Variants in HIF3A observed in about 807,000 individuals in gnomAD.
The protein encoded by HIF3A is hypoxia-inducible factor 3-alpha.
In HIF3A, 41 loss-of-function variants were observed where a neutral mutation model predicts 67.2. That is an observed-to-expected ratio of 0.61 (90% CI 0.48 to 0.79). The LOEUF is 0.79. Among genes scored for constraint, HIF3A ranks in the 30% least tolerant of loss-of-function variants. HIF3A has a pLI of 0.00. For missense variants in HIF3A, 855 were observed against 898.0 expected (o/e 0.95, Z 0.61); for synonymous variants, 356 against 374.8 (o/e 0.95, Z 0.58).
At chr19:46,302,431 GTTTT>G (rs879849169) in intron 1 of HIF3A, among the ~76,000 whole-genome samples, 4 of 150,360 alleles carry the variant, frequency 2.7e-5, no homozygotes, top group Non-Finnish European at 5.9e-5. Context: ...CGCCCGGCCT[GTTTT>G]TTGTCTTTTT....
chr19:46,304,146 T>C lies in HIF3A; in HGVS notation c.217+58T>C. Reference sequence around the variant, plus strand: ...TCAGGCCCCGCCCACGGAAAAAAACTACATCCCAGGGAGGCCCCTCCTCCG... The same window carrying C: ...TCAGGCCCCGCCCACGGAAAAAAACCACATCCCAGGGAGGCCCCTCCTCCG... On this transcript the variant is annotated intron_variant, in intron 2 of 14. Coordinates refer to ENST00000377670, the MANE Select transcript of HIF3A (RefSeq NM_152795.4). 2 of 1,459,006 alleles carry C rather than the reference T, an allele frequency of 1.4e-6. 1 individual carries two copies. Among genetic ancestry groups the C allele is most frequent in the South Asian group, 2.5e-5 (2 of 81,522 alleles). 90.4% of individuals were successfully genotyped at this position (1,459,006 alleles called of 1,614,324 possible).
At chr19:46,308,431 C>A (rs1568507198) in intron 4 of HIF3A, 126 bp downstream of exon 4, 2 of 705,266 alleles carry the variant, frequency 2.8e-6, no homozygotes, top group Non-Finnish European at 4.9e-6. Context: ...GGAGAGATGG[C>A]CCTGCCCTGG....
Position 46,339,674 on chromosome 19 carries a change from A to G in HIF3A, c.*52A>G. 1 of 1,350,240 alleles carries G rather than the reference A, an allele frequency of 7.4e-7. No homozygotes were observed. Among genetic ancestry groups the G allele is most frequent in the Non-Finnish European group, 1.0e-6 (1 of 971,382 alleles). 83.6% of individuals were successfully genotyped at this position (1,350,240 alleles called of 1,614,324 possible). ...TCCTCCCCCAGAAAGGACCTCAACC[A>G]CACTCCACGCCGGCAGCCAACGCAC... is the stretch of plus-strand genomic sequence containing the variant. On this transcript the variant is annotated 3_prime_UTR_variant, in exon 15 of 15. Coordinates refer to ENST00000377670, the MANE Select transcript of HIF3A (RefSeq NM_152795.4).
In HIF3A at chr19:46,337,939, G is replaced by A. The variant is rs574819522; in HGVS notation, c.1913-1586G>A. Reference sequence around the variant, plus strand: ...GGCCAGGGCTGTCTGGGTCCCTGCTGTTCTCTTCTTTGTGCACATGGGTGG... The same window carrying A: ...GGCCAGGGCTGTCTGGGTCCCTGCTATTCTCTTCTTTGTGCACATGGGTGG... On this transcript the variant is annotated intron_variant, in intron 14 of 14. Transcript: ENST00000377670. 2.6e-5 allele frequency among the ~76,000 whole-genome samples: 4 copies of A among 152,338 alleles called. No homozygotes were observed. In the South Asian group the frequency reaches 6.2e-4, roughly 24 times the overall value.
At chr19:46,327,354 C>T (rs1464992954) in intron 11 of HIF3A, among the ~76,000 whole-genome samples, 1 of 148,568 alleles carries the variant, frequency 6.7e-6, no homozygotes, top group Non-Finnish European at 1.5e-5. Flanking sequence ...CTCACTCTAT[C>T]ACCCAAGCTG....
At chr19:46,327,568 G>C (rs941797964) in intron 11 of HIF3A, among the ~76,000 whole-genome samples, 2 of 151,988 alleles carry the variant, frequency 1.3e-5, no homozygotes, top group African/African-American at 4.8e-5. Context: ...CCATCTGGAG[G>C]GCTCCTGCAG....
At position 46,303,851 on chromosome 19, in the gene HIF3A, T is replaced by G. The variant is rs1384332756; in HGVS notation, c.27-47T>G. The G allele has an allele frequency of 5.1e-6, 8 of 1,579,670 alleles. No homozygotes were observed. In the South Asian group the frequency reaches 8.1e-5, roughly 16 times the overall value. ...CCCCACGTGCTCGTCCCGTCCTCCT[T>G]TTCTCTTTCCCGAGTCACCACCAGT... On this transcript the variant is annotated intron_variant, in intron 1 of 14. Coordinates refer to ENST00000377670, the MANE Select transcript of HIF3A (RefSeq NM_152795.4).
rs150500130 is a variant in HIF3A, at chr19:46,309,233, C to T, written c.644C>T (p.Pro215Leu). 1.5e-4 allele frequency: 239 copies of T among 1,614,074 alleles called. 1 individual carries two copies. Among genetic ancestry groups the T allele is most frequent in the African/African-American group, 1.3e-3 (96 of 75,048 alleles). ...GCTGGGAGCCCTGACTCAGAGCCCC[C>T]GCTGCAGTGCCTGGTGCTCATCTGC... Reference protein sequence around the residue: ...SPAGSPDSEPPLQCLVLICEA... With the variant: ...SPAGSPDSEPLLQCLVLICEA... Residue 215 changes from proline to leucine, a missense_variant, in exon 6 of 15, where the codon CCG becomes CTG. Physicochemically the swap from Pro to Leu is moderately conservative, Grantham distance 98 (BLOSUM62 -3). Coordinates refer to ENST00000377670, the MANE Select transcript of HIF3A (RefSeq NM_152795.4).
At chr19:46,319,947 A>AG (rs1970227776) in intron 8 of HIF3A, among the ~76,000 whole-genome samples, 1 of 152,292 alleles carries the variant, frequency 6.6e-6, no homozygotes, top group Non-Finnish European at 1.5e-5. Context: ...GTGTCAGAAT[A>AG]GGCCGGGCAC....
At chr19:46,316,781 C>T (rs540306850) in intron 8 of HIF3A, among the ~76,000 whole-genome samples, 67 of 138,966 alleles carry the variant, frequency 4.8e-4, no homozygotes, top group African/African-American at 1.2e-3. Flanking sequence ...CCAGCCTGGG[C>T]GACAGAGTGA....
At chr19:46,324,510 C>T (rs948953621) in intron 10 of HIF3A, among the ~76,000 whole-genome samples, 1 of 152,136 alleles carries the variant, frequency 6.6e-6, no homozygotes, top group Non-Finnish European at 1.5e-5. Context: ...ATTGTTTCCC[C>T]ACTAAACTCC....
intron 1 of HIF3A, among the ~76,000 whole-genome samples, chr19:46,300,636 G>T (rs1968240209): frequency 1.3e-5 from 2 of 152,196 alleles, no homozygotes; most frequent in Admixed American, 6.5e-5. Context: ...ACTCCAGCCT[G>T]GGCAACAGAG....
intron 1 of HIF3A, among the ~76,000 whole-genome samples, chr19:46,300,735 T>C (rs1968247603): frequency 6.6e-6 from 1 of 152,114 alleles, no homozygotes; most frequent in Admixed American, 6.5e-5. Flanking sequence ...GTGGAGTTGA[T>C]AAGTAGTAGA....
intron 8 of HIF3A, among the ~76,000 whole-genome samples, chr19:46,317,811 T>G (rs946286464): frequency 2.0e-5 from 3 of 152,132 alleles, no homozygotes; most frequent in African/African-American, 7.2e-5. Flanking sequence ...ACTGCTTTAT[T>G]TTCTCTGTAG....
rs764717108 is a variant in HIF3A, at chr19:46,312,077, T to C, written c.771-84T>C. ...CGACATCTTGCTGGCTTTGTTCCTG[T>C]GTCCTCTGCTGCTACTTCCCTCTGC... On this transcript the variant is annotated intron_variant, in intron 6 of 14. Transcript: ENST00000377670. 3 of 956,020 alleles carry C rather than the reference T, an allele frequency of 3.1e-6. No homozygotes were observed. In the South Asian group the frequency reaches 3.8e-5, roughly 12 times the overall value. The allele number at this position is 956,020 out of a possible 1,614,324, so 59.2% of individuals were successfully genotyped here.
rs376910482 is a variant in HIF3A at position 46,320,027 on chromosome 19, C to T, written c.1026-416C>T. Among the ~76,000 whole-genome samples the T allele has an allele frequency of 5.3e-4, 80 of 152,148 alleles. 1 individual carries two copies. The highest frequency in any genetic ancestry group is 1.5e-3 in the African/African-American group (64 of 41,522). On this transcript the variant is annotated intron_variant, in intron 8 of 14. Transcript: ENST00000377670. ...GGTGGATCACCTGAGGTCAGGAGTT[C>T]GAGACCAGCCTGGCCAACGTGGTGA...
chr19:46,318,496 C>G (rs1317675021), intron 8 of HIF3A, among the ~76,000 whole-genome samples: 3 of 135,766 alleles, frequency 2.2e-5, no homozygotes, highest in Non-Finnish European at 3.0e-5. Flanking sequence ...CTGCAGTGAG[C>G]CGAGATCGCA....
intron 11 of HIF3A, among the ~76,000 whole-genome samples, chr19:46,326,802 A>G (rs1364999767): frequency 6.6e-6 from 1 of 152,282 alleles, no homozygotes; most frequent in South Asian, 2.1e-4. Flanking sequence ...TCCCTGGTCC[A>G]TAGCAGTTTT....
intron 14 of HIF3A, chr19:46,338,347 T>A: frequency 2.3e-6 from 1 of 428,688 alleles, no homozygotes; most frequent in South Asian, 1.7e-5. Flanking sequence ...GGACTGCAGC[T>A]ATGTGCCATC....
Sources: allele counts gnomAD v4.1 joint callset (sites outside exome capture counted in the v4.1 genomes callset), GRCh38; gene constraint gnomAD v4.1.1; transcripts MANE v1.5; gene names NCBI Gene and HGNC (gene_info 2026-07-23, HGNC 2026-07-21).